BRAF: variants seen among roughly 807,000 people sequenced by gnomAD.
BRAF encodes the protein serine/threonine-protein kinase B-raf.
A neutral mutation model predicts 104.6 loss-of-function variants in BRAF; 16 were observed. The observed-to-expected ratio is 0.15, with a 90% CI of 0.10 to 0.23. BRAF has a LOEUF of 0.23. BRAF is among the 10% of genes least tolerant of loss of function. The pLI is 1.00. For missense variants in BRAF, 541 were observed against 937.3 expected, an observed-to-expected ratio of 0.58 and a Z score of 5.52; for synonymous variants, 310 against 341.6, an observed-to-expected ratio of 0.91 and a Z score of 1.02.
intron 1 of BRAF, among the ~76,000 whole-genome samples, chr7:140,909,114 T>C (rs1177673515): frequency 3.3e-5 from 5 of 152,084 alleles, no homozygotes; most frequent in African/African-American, 1.2e-4. Flanking sequence ...TTTTGTACAT[T>C]CTCTATACTA....
chr7:140,911,635 A>G (rs2129140096), intron 1 of BRAF, among the ~76,000 whole-genome samples: 1 of 152,334 alleles, frequency 6.6e-6, no homozygotes, highest in East Asian at 1.9e-4. Flanking sequence ...TTCAGGTGGT[A>G]GGAAAAACAT....
chr7:140,758,767 C>T (rs941371695), intron 14 of BRAF, among the ~76,000 whole-genome samples: 5 of 152,190 alleles, frequency 3.3e-5, no homozygotes, highest in African/African-American at 1.2e-4. Context: ...CTTTTAAAAA[C>T]TGAAATTTAC....
chr7:140,883,185 T>C (rs981974536), intron 1 of BRAF, among the ~76,000 whole-genome samples: 3 of 152,162 alleles, frequency 2.0e-5, no homozygotes, highest in Non-Finnish European at 4.4e-5. Context: ...CTTTCACTGG[T>C]TTACTACCTT....
intron 1 of BRAF, among the ~76,000 whole-genome samples, chr7:140,913,697 T>A (rs895715825): frequency 3.9e-5 from 6 of 151,972 alleles, no homozygotes; most frequent in African/African-American, 1.5e-4. Context: ...TTGGCCAGGA[T>A]GGTCTCAATC....
chr7:140,815,434 T>TTA (rs1266943198), intron 3 of BRAF, among the ~76,000 whole-genome samples: 14 of 140,824 alleles, frequency 9.9e-5, no homozygotes, highest in African/African-American at 3.2e-4. Flanking sequence ...TGTGAGCCAT[T>TTA]TTTTTTTTTT....
intron 1 of BRAF, among the ~76,000 whole-genome samples, chr7:140,908,093 CTTTAAA>C (rs1816539684): frequency 6.6e-6 from 1 of 152,180 alleles, no homozygotes; most frequent in Non-Finnish European, 1.5e-5. Context: ...GTCTCCAATT[CTTTAAA>C]TTTAACAGTG....
intron 1 of BRAF, among the ~76,000 whole-genome samples, chr7:140,873,447 G>A (rs1811846143): frequency 6.6e-6 from 1 of 152,158 alleles, no homozygotes; most frequent in African/African-American, 2.4e-5. Context: ...TGAAATAAGA[G>A]GCGTGAGCCA....
intron 18 of BRAF, among the ~76,000 whole-genome samples, chr7:140,738,054 A>C (rs1585949340): frequency 6.6e-6 from 1 of 152,346 alleles, no homozygotes; most frequent in East Asian, 1.9e-4. Context: ...GGACAGGGTC[A>C]TGCTGAAGCT....
intron 1 of BRAF, among the ~76,000 whole-genome samples, chr7:140,859,773 C>T (rs937513323): frequency 6.6e-6 from 1 of 151,124 alleles, no homozygotes; most frequent in Non-Finnish European, 1.5e-5. Flanking sequence ...CTGCAACCTC[C>T]GCCTCCTGGG....
At chr7:140,760,808 A>C (rs1168529096) in intron 14 of BRAF, among the ~76,000 whole-genome samples, 1 of 152,168 alleles carries the variant, frequency 6.6e-6, no homozygotes, top group Non-Finnish European at 1.5e-5. Flanking sequence ...GATGAAATGA[A>C]TGAAATGAAG....
rs1283081592 is a variant in BRAF at position 140,721,850 on chromosome 7, C to T, written c.*4644G>A. 3 of 1,319,178 alleles carry T rather than the reference C, an allele frequency of 2.3e-6. No individual in the cohort carries two copies. Among genetic ancestry groups the T allele is most frequent in the Non-Finnish European group, 2.9e-6 (3 of 1,037,198 alleles). The allele number at this position is 1,319,178 out of a possible 1,614,324, so 81.7% of individuals were successfully genotyped here. A position where few individuals can be genotyped will look rare whatever the true frequency, so the allele number is the denominator to read the frequency against. On this transcript the variant is annotated 3_prime_UTR_variant, in exon 20 of 20. Coordinates refer to ENST00000644969, the MANE Select transcript of BRAF (RefSeq NM_001374258.1). ...GAGACCTCCACCCTGGCCCCCACAG[C>T]GCTTTGGGACAGGATGACTAACGCA... is the stretch of plus-strand genomic sequence containing the variant.
intron 8 of BRAF, among the ~76,000 whole-genome samples, chr7:140,788,359 T>A (rs1303136501): frequency 6.6e-6 from 1 of 152,186 alleles, no homozygotes; most frequent in Non-Finnish European, 1.5e-5. Context: ...TAATTATTTC[T>A]CTATTATAGG....
chr7:140,921,742 T>C (rs867889493), intron 1 of BRAF, among the ~76,000 whole-genome samples: 2 of 152,118 alleles, frequency 1.3e-5, no homozygotes, highest in Middle Eastern at 3.4e-3. Flanking sequence ...AATGACTTGC[T>C]TTCCCTTTGA....
intron 1 of BRAF, among the ~76,000 whole-genome samples, chr7:140,857,383 C>A: frequency 6.6e-6 from 1 of 151,972 alleles, no homozygotes; most frequent in East Asian, 1.9e-4. Flanking sequence ...TGATTTTTGC[C>A]CAGTAAAACA....
intron 17 of BRAF, 46 bp downstream of exon 16, chr7:140,749,241 T>C (rs1208397813): frequency 6.2e-7 from 1 of 1,608,296 alleles, no homozygotes; most frequent in Non-Finnish European, 8.5e-7. Flanking sequence ...ACTGGAGCCT[T>C]GTATATAGAC....
At chr7:140,825,538 T>G (rs991998594) in intron 3 of BRAF, among the ~76,000 whole-genome samples, 1 of 152,156 alleles carries the variant, frequency 6.6e-6, no homozygotes, top group African/African-American at 2.4e-5. Context: ...AAATTTTAGG[T>G]TTAATTTTTA....
At chr7:140,906,104 A>AAAG (rs893014201) in intron 1 of BRAF, among the ~76,000 whole-genome samples, 1 of 150,378 alleles carries the variant, frequency 6.6e-6, no homozygotes, top group African/African-American at 2.5e-5. Flanking sequence ...AAAAAAAAAA[A>AAAG]AAAAGAAATT....
intron 19 of BRAF, chr7:140,726,638 G>C: frequency 1.1e-6 from 1 of 886,764 alleles, no homozygotes; most frequent in South Asian, 1.6e-5. Context: ...TCTAGCAACA[G>C]CATTGCTAAT....
rs375694109 is a variant in BRAF, at chr7:140,720,980, G to A, written c.*5514C>T. ...TGCTGGAGAATGAACTCGGCTGGCC[G>A]GGAGAAGCAGATGGTTTGTACAAAC... On this transcript the variant is annotated 3_prime_UTR_variant, in exon 20 of 20. Coordinates refer to ENST00000644969, the MANE Select transcript of BRAF (RefSeq NM_001374258.1). 20 of 1,064,186 alleles carry A rather than the reference G, an allele frequency of 1.9e-5. No homozygotes were observed. The highest frequency in any genetic ancestry group is 4.6e-5 in the South Asian group (1 of 21,964). 65.9% of individuals were successfully genotyped at this position (1,064,186 alleles called of 1,614,324 possible).
Sources: gnomAD v4.1 joint callset for allele counts (sites outside exome capture counted in the v4.1 genomes callset) on GRCh38, gnomAD v4.1.1 for gene constraint, MANE v1.5 for transcripts, NCBI Gene and HGNC (gene_info 2026-07-23, HGNC 2026-07-21) for gene names.